Variants in SEMA3B observed in about 807,000 individuals in gnomAD.
SEMA3B encodes the protein semaphorin-3B.
Under a neutral mutation model 77.8 loss-of-function variants are expected in SEMA3B, and 71 were observed. The observed-to-expected ratio is 0.91, with a 90% CI of 0.75 to 1.11. The LOEUF (loss-of-function observed/expected upper bound fraction) is 1.11, where lower values mean the gene tolerates loss of function less well. Among genes scored for constraint, SEMA3B ranks in the 50% most tolerant of loss-of-function variants. The pLI is 0.00. For synonymous variants in SEMA3B, 470 were observed against 452.9 expected (o/e 1.04, Z -0.48); for missense variants, 968 against 1,056.8 (o/e 0.92, Z 1.17).
chr3:50,261,694 G>A, the SEMA3B span: 1 of 152,292 alleles, frequency 6.6e-6, no homozygotes, highest in Non-Finnish European at 1.5e-5. Flanking sequence ...GGGCTGCCAA[G>A]GCCTGGAAGA....
rs1700985560 is a variant in SEMA3B at position 50,269,457 on chromosome 3, A to G, written c.109+108A>G. On this transcript the variant is annotated intron_variant, in intron 1 of 16. Transcript: ENST00000616701. The surrounding 1 kb of genome is among the most constrained non-coding windows in gnomAD (Gnocchi z 4.0). ...CTGTTGCCCCATGTGCGTGCCTGTC[A>G]CCAGACTCTGGTAGGATTAGTGGGC... The G allele has an allele frequency of 1.5e-6, 1 of 676,598 alleles. No homozygotes were observed. Among genetic ancestry groups the G allele is most frequent in the Non-Finnish European group, 2.4e-6 (1 of 411,678 alleles). The allele number at this position is 676,598 out of a possible 1,614,324, so 41.9% of individuals were successfully genotyped here. A position where few individuals can be genotyped will look rare whatever the true frequency, so the allele number is the denominator to read the frequency against.
chr3:50,267,986 T>A (rs1179297332), upstream of SEMA3B, among the ~76,000 whole-genome samples: 2 of 152,048 alleles, frequency 1.3e-5, no homozygotes, highest in Non-Finnish European at 2.9e-5. This position sits in a 1 kb window ranked among gnomAD's most constrained non-coding sequence, Gnocchi z 5.7. Context: ...CAGCCAGGTC[T>A]TTGCCCCAGC....
chr3:50,270,096 G>C lies in SEMA3B; in HGVS notation c.110-31G>C. On this transcript the variant is annotated intron_variant, in intron 1 of 16. Transcript: ENST00000616701. This position sits in a 1 kb window ranked among gnomAD's most constrained non-coding sequence, Gnocchi z 4.7. The stretch of plus-strand genomic sequence containing the variant: ...CCTGGGGGAGGCTTCCAGCATGGCT[G>C]GCGAGTCATCAGCAGTGTCCTGCCC... 6.7e-7 allele frequency: 1 copy of C among 1,503,638 alleles called. No homozygotes were observed. The highest frequency in any genetic ancestry group is 2.5e-5 in the East Asian group (1 of 40,340). 93.1% of individuals were successfully genotyped at this position (1,503,638 alleles called of 1,614,324 possible).
Position 50,276,660 on chromosome 3 carries a change from C to A in SEMA3B, c.2204C>A (p.Pro735His). 1 of 1,584,342 alleles carries A rather than the reference C, an allele frequency of 6.3e-7. No homozygotes were observed. Among genetic ancestry groups the A allele is most frequent in the Non-Finnish European group, 8.5e-7 (1 of 1,171,522 alleles). ...GGCCGTAACCGGAGGACCCACGCCCCTGAGCCTCGCGCTGAGCGGGGGCCG... is the reference window on the plus strand; with the variant it reads ...GGCCGTAACCGGAGGACCCACGCCCATGAGCCTCGCGCTGAGCGGGGGCCG... ...RKGRNRRTHA[P>H]EPRAERGPRS... Residue 735 changes from proline (P) to histidine (H), a missense_variant, in exon 17 of 17, where the codon CCT becomes CAT. Pro to His is a moderately conservative substitution (Grantham distance 77, BLOSUM62 -2). Coordinates refer to ENST00000616701, the MANE Select transcript of SEMA3B (RefSeq NM_001290060.2). This position sits in a 1 kb window ranked among gnomAD's most constrained non-coding sequence, Gnocchi z 5.8.
upstream of SEMA3B, among the ~76,000 whole-genome samples, chr3:50,263,985 C>G (rs1414616756): frequency 6.6e-6 from 1 of 151,940 alleles, no homozygotes; most frequent in African/African-American, 2.4e-5. Context: ...ACTGCTTGAG[C>G]CCAGGAGTTC....
rs1051032 is a variant in SEMA3B, at chr3:50,277,111, A to G, written c.*405A>G. 4.9e-6 allele frequency: 1 copy of G among 204,970 alleles called. No individual in the cohort carries two copies. The highest frequency in any genetic ancestry group is 2.3e-5 in the African/African-American group (1 of 43,358). 12.7% of individuals were successfully genotyped at this position (204,970 alleles called of 1,614,324 possible). A position where few individuals can be genotyped will look rare whatever the true frequency, so the allele number is the denominator to read the frequency against. On this transcript the variant is annotated 3_prime_UTR_variant, in exon 17 of 17. Coordinates refer to ENST00000616701, the MANE Select transcript of SEMA3B (RefSeq NM_001290060.2). Reference sequence around the variant, plus strand: ...TGGGGCGAGGCAGGCCGACTGTACTAAAGTAACGCAATAAACGCATTATCA... The same window carrying G: ...TGGGGCGAGGCAGGCCGACTGTACTGAAGTAACGCAATAAACGCATTATCA...
chr3:50,273,700 G>C lies in SEMA3B; in HGVS notation c.922+54G>C, dbSNP rs782471185. On this transcript the variant is annotated intron_variant, in intron 8 of 16. Transcript: ENST00000616701. This position sits in a 1 kb window ranked among gnomAD's most constrained non-coding sequence, Gnocchi z 6.5. ...GGAGGGGGGCAGCGGCGCAGACTCC[G>C]GGAGCCCCCGCCGCAGCGGGGCTGT... 1 of 1,598,602 alleles carries C rather than the reference G, an allele frequency of 6.3e-7. No homozygotes were observed. Among genetic ancestry groups the C allele is most frequent in the South Asian group, 1.1e-5 (1 of 90,770 alleles).
Position 50,275,378 on chromosome 3 carries a change from G to A in SEMA3B, c.1568G>A (p.Cys523Tyr), listed in dbSNP as rs1553706344. Residue 523 changes from cysteine (C) to tyrosine (Y), a missense_variant, in exon 14 of 17, where the codon TGC becomes TAC. Physicochemically the swap from Cys to Tyr is radical, Grantham distance 194. Coordinates refer to ENST00000616701, the MANE Select transcript of SEMA3B (RefSeq NM_001290060.2). This position sits in a 1 kb window ranked among gnomAD's most constrained non-coding sequence, Gnocchi z 7.5. The part of the protein sequence containing the change: ...LHRCAAHGRV[C>Y]TECCLARDPY... ...CGCTGCGCTGCCCACGGCCGCGTCT[G>A]CACCGAATGCTGTCTGGCGCGTGAC... 6.3e-7 allele frequency: 1 copy of A among 1,588,924 alleles called. No individual in the cohort carries two copies. The highest frequency in any genetic ancestry group is 8.6e-7 in the Non-Finnish European group (1 of 1,168,798).
At position 50,273,718 on chromosome 3, in the gene SEMA3B, G is replaced by T; in HGVS notation, c.923-41G>T. The T allele has an allele frequency of 6.2e-7, 1 of 1,604,054 alleles. No homozygotes were observed. The highest frequency in any genetic ancestry group is 1.1e-5 in the South Asian group (1 of 90,940). ...AGACTCCGGGAGCCCCCGCCGCAGC[G>T]GGGCTGTGCGCCCTACCCCAGCTAG... is the stretch of plus-strand genomic sequence containing the variant. On this transcript the variant is annotated intron_variant, in intron 8 of 16. Coordinates refer to ENST00000616701, the MANE Select transcript of SEMA3B (RefSeq NM_001290060.2). This position sits in a 1 kb window ranked among gnomAD's most constrained non-coding sequence, Gnocchi z 6.5.
At chr3:50,265,869 C>T (rs1481627519), upstream of SEMA3B, among the ~76,000 whole-genome samples, 1 of 152,206 alleles carries the variant, frequency 6.6e-6, no homozygotes, top group Admixed American at 6.5e-5. Context: ...TCAGGGACAA[C>T]TTGACCTCCC....
Position 50,273,040 on chromosome 3 carries a change from T to C in SEMA3B, c.665-258T>C. 2.1e-6 allele frequency: 1 copy of C among 486,012 alleles called. No homozygotes were observed. Among genetic ancestry groups the C allele is most frequent in the Non-Finnish European group, 3.6e-6 (1 of 274,236 alleles). 30.1% of individuals were successfully genotyped at this position (486,012 alleles called of 1,614,324 possible). A position where few individuals can be genotyped will look rare whatever the true frequency, so the allele number is the denominator to read the frequency against. On this transcript the variant is annotated intron_variant, in intron 6 of 16. Transcript: ENST00000616701. This position sits in a 1 kb window ranked among gnomAD's most constrained non-coding sequence, Gnocchi z 6.5. ...CGACGTGTGGGGCGAGATCGGAGGCTAGCCGGGCTTCACGCCTGCGCCCCC... is the reference window on the plus strand; with the variant it reads ...CGACGTGTGGGGCGAGATCGGAGGCCAGCCGGGCTTCACGCCTGCGCCCCC...
rs1701012998 is a variant in SEMA3B at position 50,270,332 on chromosome 3, G to C, written c.267+48G>C. 1 of 1,609,280 alleles carries C rather than the reference G, an allele frequency of 6.2e-7. No individual in the cohort carries two copies. The highest frequency in any genetic ancestry group is 8.5e-7 in the Non-Finnish European group (1 of 1,176,592). ...GCACTCCCCAGGGAAGGAGCCCTGG[G>C]ACCCCACTCCAGCCTGGAGAGACCC... On this transcript the variant is annotated intron_variant, in intron 2 of 16. Transcript: ENST00000616701. This position sits in a 1 kb window ranked among gnomAD's most constrained non-coding sequence, Gnocchi z 4.7.
rs1461795180 is a variant in SEMA3B, at chr3:50,269,195, C to T, written c.-46C>T. 7.2e-7 allele frequency: 1 copy of T among 1,395,898 alleles called. No homozygotes were observed. The highest frequency in any genetic ancestry group is 9.8e-7 in the Non-Finnish European group (1 of 1,019,426). 86.5% of individuals were successfully genotyped at this position (1,395,898 alleles called of 1,614,324 possible). On this transcript the variant is annotated 5_prime_UTR_variant, in exon 1 of 17. Coordinates refer to ENST00000616701, the MANE Select transcript of SEMA3B (RefSeq NM_001290060.2). This position sits in a 1 kb window ranked among gnomAD's most constrained non-coding sequence, Gnocchi z 4.0. Reference sequence around the variant, plus strand: ...CAGAGTCCAGGGCAGCTCAAGGCTCCTCCACACACACACCCGCTGAACCCT... The same window carrying T: ...CAGAGTCCAGGGCAGCTCAAGGCTCTTCCACACACACACCCGCTGAACCCT...
Position 50,275,612 on chromosome 3 carries a change from G to A in SEMA3B, c.1702G>A (p.Gly568Arg), listed in dbSNP as rs1219803255. 1 of 1,613,700 alleles carries A rather than the reference G, an allele frequency of 6.2e-7. No individual in the cohort carries two copies. ...RNGDPSTLCSGDSSRPALLEH... is the reference protein window; with the variant it reads ...RNGDPSTLCSRDSSRPALLEH... ...TGGCGACCCCAGCACGTTGTGCTCC[G>A]GAGGTGAGTGCCCCAGCTGCCCCTA... The change falls in exon 15 of 17, where the codon GGA becomes AGA. Residue 568 changes from glycine to arginine, a missense_variant. Transcript: ENST00000616701. The surrounding 1 kb of genome is among the most constrained non-coding windows in gnomAD (Gnocchi z 7.5).
chr3:50,270,553 AG>A lies in SEMA3B; in HGVS notation c.330+61del, dbSNP rs1217700896. 6.2e-7 allele frequency: 1 copy of A among 1,607,684 alleles called. No individual in the cohort carries two copies. The highest frequency in any genetic ancestry group is 1.3e-5 in the African/African-American group (1 of 74,812). ...AGGGTCAGCCCCTCACCCCAGAGACAGGGCAGGGCTAAAACAGAGGCCTGCC... is the reference window on the plus strand; with the variant it reads ...AGGGTCAGCCCCTCACCCCAGAGACAGGCAGGGCTAAAACAGAGGCCTGCC... On this transcript the variant is annotated intron_variant, in intron 3 of 16. Coordinates refer to ENST00000616701, the MANE Select transcript of SEMA3B (RefSeq NM_001290060.2). This position sits in a 1 kb window ranked among gnomAD's most constrained non-coding sequence, Gnocchi z 4.7.
Position 50,274,112 on chromosome 3 carries a change from G to T in SEMA3B, c.1137+55G>T, listed in dbSNP as rs1162003865. The T allele has an allele frequency of 1.3e-5, 20 of 1,585,280 alleles. No homozygotes were observed. The African/African-American group carries it at 2.1e-4, about 16-fold the overall frequency. ...CCACTTCAAAGCCTCAAGGGTTTGA[G>T]AACTTGGCCTGGGGTCTTCTTGGTG... On this transcript the variant is annotated intron_variant, in intron 10 of 16. Transcript: ENST00000616701. This position sits in a 1 kb window ranked among gnomAD's most constrained non-coding sequence, Gnocchi z 4.7.
chr3:50,274,586 A>G lies in SEMA3B; in HGVS notation c.1357+4A>G. On this transcript the variant is annotated splice_donor_region_variant and intron_variant, in intron 11 of 16. Transcript: ENST00000616701. This position sits in a 1 kb window ranked among gnomAD's most constrained non-coding sequence, Gnocchi z 4.7. Reference sequence around the variant, plus strand: ...GACGTCCTCTTCATTGGCACAGGTCAGGGTCCCTCCACAGCGACCCCCAGG... The same window carrying G: ...GACGTCCTCTTCATTGGCACAGGTCGGGGTCCCTCCACAGCGACCCCCAGG... 1 of 1,526,364 alleles carries G rather than the reference A, an allele frequency of 6.6e-7. No individual in the cohort carries two copies. Among genetic ancestry groups the G allele is most frequent in the Non-Finnish European group, 8.8e-7 (1 of 1,136,928 alleles). The allele number at this position is 1,526,364 out of a possible 1,614,324, so 94.6% of individuals were successfully genotyped here. A position where few individuals can be genotyped will look rare whatever the true frequency, so the allele number is the denominator to read the frequency against.
upstream of SEMA3B, chr3:50,268,983 G>A (rs1700970372): frequency 1.8e-6 from 1 of 556,812 alleles, no homozygotes; most frequent in East Asian, 3.2e-5. Flanking sequence ...GACCCTGAGG[G>A]TGTGCCCAGT....
rs1553705054 is a variant in SEMA3B, at chr3:50,269,864, C to T, written c.110-263C>T. Among the ~76,000 whole-genome samples, 3 of 152,150 alleles carry T rather than the reference C, an allele frequency of 2.0e-5. No homozygotes were observed. The highest frequency in any genetic ancestry group is 6.5e-5 in the Admixed American group (1 of 15,274). ...CATAAGCCTTGCCTCCCAGTGCGCC[C>T]GCCTGGAGACACCACCTGTCTGAGC... is the stretch of plus-strand genomic sequence containing the variant. On this transcript the variant is annotated intron_variant, in intron 1 of 16. Transcript: ENST00000616701. This position sits in a 1 kb window ranked among gnomAD's most constrained non-coding sequence, Gnocchi z 4.0.
Sources: gnomAD v4.1 joint callset for allele counts (sites outside exome capture counted in the v4.1 genomes callset) on GRCh38, gnomAD v4.1.1 for gene constraint, Gnocchi (gnomAD v3.1) non-coding constraint, MANE v1.5 for transcripts, NCBI Gene and HGNC (gene_info 2026-07-23, HGNC 2026-07-21) for gene names.